EYA2: variants seen among roughly 807,000 people sequenced by gnomAD.
EYA2 encodes EYA transcriptional coactivator and phosphatase 2, also known as protein phosphatase EYA2.
In EYA2, 31 loss-of-function variants were observed where a neutral mutation model predicts 69.2. That is an observed-to-expected ratio of 0.45 (90% confidence interval 0.34 to 0.60). The LOEUF is 0.60. Among genes scored for constraint, EYA2 ranks in the 20% least tolerant of loss-of-function variants. The pLI, the probability that EYA2 is intolerant of heterozygous loss-of-function variation, is 0.02. For synonymous variants in EYA2, 257 were observed against 279.4 expected (o/e 0.92, Z 0.80); for missense variants, 622 against 701.2 (o/e 0.89, Z 1.28).
At chr20:47,078,037 T>G (rs1169784245) in intron 7 of EYA2, among the ~76,000 whole-genome samples, 1 of 152,198 alleles carries the variant, frequency 6.6e-6, no homozygotes, top group Non-Finnish European at 1.5e-5. Context: ...CTCCCCAGAA[T>G]TTGAGTTTTG....
At chr20:47,122,367 C>T (rs2033075039) in intron 9 of EYA2, among the ~76,000 whole-genome samples, 1 of 143,508 alleles carries the variant, frequency 7.0e-6, no homozygotes, top group Non-Finnish European at 1.5e-5. Context: ...GATCTCAGCT[C>T]ACTGCAAGCT....
chr20:46,985,700 T>C (rs1418119640), intron 1 of EYA2, among the ~76,000 whole-genome samples: 3 of 152,184 alleles, frequency 2.0e-5, no homozygotes, highest in Non-Finnish European at 4.4e-5. Flanking sequence ...CCCATATGCC[T>C]TGACTTAATT....
chr20:47,108,834 C>A (rs1305967369), intron 9 of EYA2, among the ~76,000 whole-genome samples: 1 of 152,164 alleles, frequency 6.6e-6, no homozygotes, highest in African/African-American at 2.4e-5. Context: ...GGATTACAGG[C>A]GTGAGCTACT....
At chr20:46,920,369 T>TA (rs1254157553) in intron 1 of EYA2, among the ~76,000 whole-genome samples, 26 of 152,228 alleles carry the variant, frequency 1.7e-4, no homozygotes, top group South Asian at 2.1e-4. Context: ...TGTTCCAATT[T>TA]AAAAAATGGT....
At chr20:47,184,454 G>A (rs1051169044) in intron 15 of EYA2, among the ~76,000 whole-genome samples, 2 of 143,522 alleles carry the variant, frequency 1.4e-5, no homozygotes, top group African/African-American at 5.2e-5. Flanking sequence ...GTCTCACTCT[G>A]GCACCTAGGC....
chr20:47,135,724 G>A (rs1366319012), intron 9 of EYA2, among the ~76,000 whole-genome samples: 14 of 146,726 alleles, frequency 9.5e-5, no homozygotes. Flanking sequence ...TGCAAAATCT[G>A]TAATCTCAGC....
chr20:47,119,651 G>A (rs6124946), intron 9 of EYA2, among the ~76,000 whole-genome samples: 65,881 of 152,060 alleles, frequency 0.43, 15,812 homozygotes, highest in East Asian at 0.67. Flanking sequence ...ACTAGGGACT[G>A]GGGGTAGTGG....
At chr20:46,986,434 A>ATATATAAT (rs367879935) in intron 1 of EYA2, among the ~76,000 whole-genome samples, 91 of 145,994 alleles carry the variant, frequency 6.2e-4, no homozygotes, top group Non-Finnish European at 9.0e-4. Flanking sequence ...TATAATATAT[A>ATATATAAT]ATATATCTAA....
chr20:47,011,298 G>A (rs1342655949), intron 4 of EYA2, among the ~76,000 whole-genome samples: 1 of 152,154 alleles, frequency 6.6e-6, no homozygotes, highest in Non-Finnish European at 1.5e-5. Context: ...AGTACTCTGG[G>A]CTGTGCCATG....
chr20:47,095,155 A>T (rs1455615210), intron 8 of EYA2, among the ~76,000 whole-genome samples: 1 of 152,236 alleles, frequency 6.6e-6, no homozygotes, highest in Non-Finnish European at 1.5e-5. Context: ...TCTTGCATCC[A>T]TAAAATAAAA....
chr20:46,934,846 T>C (rs1002406260), intron 1 of EYA2, among the ~76,000 whole-genome samples: 1 of 151,860 alleles, frequency 6.6e-6, no homozygotes, highest in African/African-American at 2.4e-5. Context: ...GTGGTTGAGG[T>C]TGGAGGATTG....
At chr20:47,008,013 G>C (rs7260707) in intron 4 of EYA2, among the ~76,000 whole-genome samples, 2 of 152,054 alleles carry the variant, frequency 1.3e-5, no homozygotes, top group African/African-American at 2.4e-5. Context: ...GTTGGGAGAC[G>C]GATGAAGCCT....
chr20:46,904,554 T>C (rs1429411454), intron 1 of EYA2, among the ~76,000 whole-genome samples: 1 of 152,068 alleles, frequency 6.6e-6, no homozygotes, highest in African/African-American at 2.4e-5. Context: ...TATTGAGCAG[T>C]CTTTGAAATG....
intron 5 of EYA2, among the ~76,000 whole-genome samples, chr20:47,055,669 G>T (rs150007321): frequency 1.3e-5 from 2 of 152,026 alleles, no homozygotes; most frequent in Non-Finnish European, 2.9e-5. Flanking sequence ...GCTCTTTCCC[G>T]TAACCTAGAA....
intron 15 of EYA2, among the ~76,000 whole-genome samples, chr20:47,186,718 A>G (rs1459692125): frequency 6.6e-6 from 1 of 152,088 alleles, no homozygotes; most frequent in Non-Finnish European, 1.5e-5. Context: ...AGACACCCCC[A>G]TCCCATTCAC....
intron 11 of EYA2, among the ~76,000 whole-genome samples, chr20:47,170,417 C>G (rs575022658): frequency 1.3e-5 from 2 of 151,726 alleles, no homozygotes; most frequent in African/African-American, 4.8e-5. Context: ...GAGGCCAAGG[C>G]GCAAGGATCA....
At chr20:47,146,582 A>T (rs760947710) in intron 10 of EYA2, among the ~76,000 whole-genome samples, 20 of 152,238 alleles carry the variant, frequency 1.3e-4, no homozygotes, top group Non-Finnish European at 2.4e-4. Context: ...ACCACGTTAT[A>T]CGATGATGAA....
At chr20:46,928,297 A>G (rs1358122048) in intron 1 of EYA2, among the ~76,000 whole-genome samples, 1 of 152,226 alleles carries the variant, frequency 6.6e-6, no homozygotes, top group African/African-American at 2.4e-5. Context: ...TGCTGTGAGC[A>G]TGTGTCTCTG....
intron 9 of EYA2, among the ~76,000 whole-genome samples, chr20:47,139,995 T>G (rs1204926558): frequency 6.6e-6 from 1 of 152,208 alleles, no homozygotes; most frequent in Non-Finnish European, 1.5e-5. Context: ...ATGCAATAAT[T>G]ACTTTTCCTT....
Sources: allele counts gnomAD v4.1 joint callset (sites outside exome capture counted in the v4.1 genomes callset), GRCh38; gene constraint gnomAD v4.1.1; transcripts MANE v1.5; gene names NCBI Gene and HGNC (gene_info 2026-07-23, HGNC 2026-07-21).